The following IL21R variants were observed in gnomAD, a reference collection of about 807,000 sequenced individuals.
IL21R encodes the protein interleukin 21 receptor.
IL21R carries 14 observed loss-of-function variants against 41.3 expected under a neutral mutation model. That is an observed-to-expected ratio of 0.34 (90% confidence interval 0.22 to 0.53). The LOEUF (loss-of-function observed/expected upper bound fraction) is 0.53, where lower values mean the gene tolerates loss of function less well. Ranked by LOEUF, IL21R falls within the 20% of genes least tolerant of loss-of-function variation. The pLI, the probability that IL21R is intolerant of heterozygous loss-of-function variation, is 0.94. For missense variants in IL21R, 588 were observed against 681.6 expected, an observed-to-expected ratio of 0.86 and a Z score of 1.53; for synonymous variants, 286 against 287.6, an observed-to-expected ratio of 0.99 and a Z score of 0.05.
intron 1 of IL21R, among the ~76,000 whole-genome samples, chr16:27,422,873 A>T (rs1463312461): frequency 6.6e-6 from 1 of 152,208 alleles, no homozygotes; most frequent in Non-Finnish European, 1.5e-5. Flanking sequence ...AGATCAATTT[A>T]AATTTTCTTC....
intron 1 of IL21R, among the ~76,000 whole-genome samples, chr16:27,409,380 T>C (rs1335675247): frequency 6.6e-6 from 1 of 151,644 alleles, no homozygotes; most frequent in South Asian, 2.1e-4. Flanking sequence ...TTTCATGAAG[T>C]TTATTTATAA....
intron 4 of IL21R, among the ~76,000 whole-genome samples, chr16:27,439,934 C>T (rs891806437): frequency 2.6e-5 from 4 of 152,208 alleles, no homozygotes; most frequent in Admixed American, 6.5e-5. Context: ...TTCTCAGTAC[C>T]CTGGTGTCTT....
intron 1 of IL21R, among the ~76,000 whole-genome samples, chr16:27,406,898 G>C (rs552021673): frequency 3.3e-5 from 5 of 152,218 alleles, no homozygotes; most frequent in Non-Finnish European, 7.3e-5. Context: ...CACTGGGCTA[G>C]TTCTTCCCCA....
At chr16:27,436,110 A>G (rs2087264657) in intron 3 of IL21R, among the ~76,000 whole-genome samples, 2 of 152,058 alleles carry the variant, frequency 1.3e-5, no homozygotes, top group African/African-American at 4.8e-5. Context: ...AGCTTCAAAG[A>G]CCACTCTCTC....
At chr16:27,438,143 C>T (rs879763443) in intron 4 of IL21R, among the ~76,000 whole-genome samples, 8 of 152,102 alleles carry the variant, frequency 5.3e-5, no homozygotes, top group Admixed American at 1.3e-4. Flanking sequence ...GTTCGTGTTC[C>T]GGCTCAGCTC....
At chr16:27,445,954 G>GC in intron 7 of IL21R, 53 bp from the exon 8 acceptor site, 1 of 1,449,254 alleles carries the variant, frequency 6.9e-7, no homozygotes, top group Non-Finnish European at 9.6e-7. Context: ...CGAATGGGAG[G>GC]CCAGGCTGCC....
At chr16:27,416,356 T>G (rs2086893698) in intron 1 of IL21R, among the ~76,000 whole-genome samples, 2 of 152,194 alleles carry the variant, frequency 1.3e-5, no homozygotes, top group Admixed American at 6.5e-5. Context: ...CAGGCTGATC[T>G]CGAACTCCTG....
Position 27,448,739 on chromosome 16 carries a change from C to G in IL21R, c.1073C>G (p.Ser358Trp), listed in dbSNP as rs748354630. The stretch of plus-strand genomic sequence containing the variant: ...AGCTTCTGGCCGACAGCCCAGAACT[C>G]GGGGGGCTCAGCTTACAGTGAGGAG... ...KPSFWPTAQN[S>W]GGSAYSEERD... Residue 358 changes from serine (S) to tryptophan (W), a missense_variant, in exon 9 of 9, where the codon TCG (serine) becomes TGG (tryptophan). Coordinates refer to ENST00000337929, the MANE Select transcript of IL21R (RefSeq NM_181078.3). 6 of 1,613,466 alleles carry G rather than the reference C, an allele frequency of 3.7e-6. No homozygotes were observed. The highest frequency in any genetic ancestry group is 3.4e-6 in the Non-Finnish European group (4 of 1,179,988).
At position 27,449,501 on chromosome 16, in the gene IL21R, ACG is replaced by A; in HGVS notation, c.*219_*220del. ...GTCTTAGGTGCGCAGTGGCATGTCCACGTGTGTGTGTGATTGCACGTGCCTGT... is the reference window on the plus strand; with the variant it reads ...GTCTTAGGTGCGCAGTGGCATGTCCATGTGTGTGTGATTGCACGTGCCTGT... On this transcript the variant is annotated 3_prime_UTR_variant, in exon 9 of 9. Transcript: ENST00000337929. The A allele has an allele frequency of 3.4e-6, 2 of 579,818 alleles. No homozygotes were observed. Among genetic ancestry groups the A allele is most frequent in the Non-Finnish European group, 6.0e-6 (2 of 331,070 alleles). The allele number at this position is 579,818 out of a possible 1,614,324, so 35.9% of individuals were successfully genotyped here.
intron 1 of IL21R, among the ~76,000 whole-genome samples, chr16:27,422,554 T>C (rs2087014748): frequency 6.6e-6 from 1 of 152,190 alleles, no homozygotes; most frequent in African/African-American, 2.4e-5. Flanking sequence ...CTGATGTTAC[T>C]AGTATGTTGC....
chr16:27,416,220 T>C (rs968679487), intron 1 of IL21R, among the ~76,000 whole-genome samples: 2 of 152,190 alleles, frequency 1.3e-5, no homozygotes, highest in African/African-American at 4.8e-5. Context: ...CACTGCAAGC[T>C]CCACCTTCCG....
At chr16:27,421,822 C>A (rs1183091306) in intron 1 of IL21R, among the ~76,000 whole-genome samples, 2 of 152,050 alleles carry the variant, frequency 1.3e-5, no homozygotes, top group Non-Finnish European at 2.9e-5. Context: ...AAATGGTTTA[C>A]TTCTTCCTTT....
At chr16:27,406,039 C>A (rs1313484197) in intron 1 of IL21R, among the ~76,000 whole-genome samples, 1 of 152,270 alleles carries the variant, frequency 6.6e-6, no homozygotes, top group East Asian at 1.9e-4. Context: ...CAGGACAAGG[C>A]CCTGGGCCTC....
At chr16:27,429,021 C>T (rs1049796544) in intron 1 of IL21R, among the ~76,000 whole-genome samples, 1 of 151,858 alleles carries the variant, frequency 6.6e-6, no homozygotes, top group East Asian at 1.9e-4. Context: ...GCCAGGAGTT[C>T]GAGACCAGCC....
chr16:27,443,249 T>A, intron 5 of IL21R, 133 bp downstream of exon 5: 1 of 710,092 alleles, frequency 1.4e-6, no homozygotes, highest in Non-Finnish European at 2.2e-6. Flanking sequence ...GCACGAGCAC[T>A]CCCTTACAGC....
chr16:27,421,099 A>G (rs74016076), intron 1 of IL21R, among the ~76,000 whole-genome samples: 143 of 152,214 alleles, frequency 9.4e-4, no homozygotes, highest in African/African-American at 3.3e-3. Context: ...TGGCACCCTC[A>G]TCAAGAATCG....
chr16:27,449,498 TCCA>T lies in IL21R; in HGVS notation c.*217_*219del. 1 of 587,874 alleles carries T rather than the reference TCCA, an allele frequency of 1.7e-6. No individual in the cohort carries two copies. The allele number at this position is 587,874 out of a possible 1,614,324, so 36.4% of individuals were successfully genotyped here. A position where few individuals can be genotyped will look rare whatever the true frequency, so the allele number is the denominator to read the frequency against. ...TGTGTCTTAGGTGCGCAGTGGCATG[TCCA>T]CGTGTGTGTGTGATTGCACGTGCCT... On this transcript the variant is annotated 3_prime_UTR_variant, in exon 9 of 9. Transcript: ENST00000337929.
chr16:27,447,479 C>T (rs891072071), intron 8 of IL21R, among the ~76,000 whole-genome samples: 19 of 152,142 alleles, frequency 1.2e-4, no homozygotes, highest in African/African-American at 4.6e-4. Flanking sequence ...GATACCCATT[C>T]CTGGGGATTT....
At chr16:27,444,407 T>C (rs748903184) in intron 5 of IL21R, 135 bp from the exon 6 acceptor site, 2 of 548,964 alleles carry the variant, frequency 3.6e-6, no homozygotes, top group Non-Finnish European at 6.0e-6. Flanking sequence ...TACTCAGGCA[T>C]AGGCTTGATT....
Sources: gnomAD v4.1 joint callset for allele counts (sites outside exome capture counted in the v4.1 genomes callset) on GRCh38, gnomAD v4.1.1 for gene constraint, MANE v1.5 for transcripts, NCBI Gene and HGNC (gene_info 2026-07-23, HGNC 2026-07-21) for gene names.